Variants in MOB3B observed in about 807,000 individuals in gnomAD.
MOB3B encodes MOB kinase activator-like 2B.
A neutral mutation model predicts 18.7 loss-of-function variants in MOB3B; 7 were observed. The ratio of observed to expected loss-of-function variants is 0.37; its 90% confidence interval spans 0.21 to 0.70. The LOEUF is 0.70. Among genes scored for constraint, MOB3B ranks in the 30% least tolerant of loss-of-function variants. The pLI is 0.52. For missense variants in MOB3B, 253 were observed against 281.3 expected (o/e 0.90, Z 0.72); for synonymous variants, 111 against 99.9 (o/e 1.11, Z -0.66).
At chr9:27,488,768 G>A (rs766013515) in intron 1 of MOB3B, among the ~76,000 whole-genome samples, 1 of 152,180 alleles carries the variant, frequency 6.6e-6, no homozygotes, top group Non-Finnish European at 1.5e-5. Context: ...CAACCAAACA[G>A]GATGCCCCTT....
chr9:27,479,714 G>C (rs1268464529), intron 1 of MOB3B, among the ~76,000 whole-genome samples: 1 of 152,178 alleles, frequency 6.6e-6, no homozygotes, highest in Non-Finnish European at 1.5e-5. Flanking sequence ...TAATATGAAA[G>C]AGTGATTAAC....
intron 2 of MOB3B, among the ~76,000 whole-genome samples, chr9:27,408,187 G>C (rs949443190): frequency 6.6e-6 from 1 of 152,156 alleles, no homozygotes; most frequent in Non-Finnish European, 1.5e-5. Context: ...CCCCATGAAA[G>C]CTGCATGGTT....
chr9:27,359,384 G>GC (rs1449454027), intron 2 of MOB3B, 148 bp from the exon 3 acceptor site: 1 of 634,064 alleles, frequency 1.6e-6, no homozygotes, highest in Non-Finnish European at 2.7e-6. Flanking sequence ...TGTGTGGGGG[G>GC]GGGGGGTTGG....
intron 2 of MOB3B, among the ~76,000 whole-genome samples, chr9:27,450,909 C>T (rs1305559892): frequency 1.3e-5 from 2 of 152,156 alleles, no homozygotes; most frequent in Non-Finnish European, 2.9e-5. Flanking sequence ...ATTTAGCAGG[C>T]TCAATAGATG....
Position 27,326,704 on chromosome 9 carries a change from A to G in MOB3B, c.*3883T>C. On this transcript the variant is annotated 3_prime_UTR_variant, in exon 4 of 4. Coordinates refer to ENST00000262244, the MANE Select transcript of MOB3B (RefSeq NM_024761.5). ...AGACTCTGGGTCTTTGGAAATGAGA[A>G]AATACCCAGGGAAGAGAAAACGAAC... 2.5e-6 allele frequency: 1 copy of G among 397,532 alleles called. No individual in the cohort carries two copies. 24.6% of individuals were successfully genotyped at this position (397,532 alleles called of 1,614,324 possible). A position where few individuals can be genotyped will look rare whatever the true frequency, so the allele number is the denominator to read the frequency against.
At chr9:27,493,538 G>A (rs1300506486) in intron 1 of MOB3B, among the ~76,000 whole-genome samples, 1 of 152,148 alleles carries the variant, frequency 6.6e-6, no homozygotes, top group Non-Finnish European at 1.5e-5. Context: ...CTACTCGGGA[G>A]GCTGAGGCAG....
At chr9:27,455,857 T>G in intron 1 of MOB3B, 109 bp from the exon 2 acceptor site, 2 of 1,133,738 alleles carry the variant, frequency 1.8e-6, no homozygotes, top group Non-Finnish European at 2.3e-6. Flanking sequence ...CCACTCTCCA[T>G]CCAGGTATAT....
intron 1 of MOB3B, among the ~76,000 whole-genome samples, chr9:27,527,437 T>A (rs1448366776): frequency 6.6e-6 from 1 of 152,214 alleles, no homozygotes. Context: ...CTAGAGAAAG[T>A]GCTCTATGTG....
chr9:27,392,684 C>T (rs958140185), intron 2 of MOB3B, among the ~76,000 whole-genome samples: 61 of 152,160 alleles, frequency 4.0e-4, no homozygotes, highest in African/African-American at 1.4e-3. Context: ...AGCTCTGATA[C>T]TTGGGAAGCT....
chr9:27,350,831 C>T (rs78080814), intron 3 of MOB3B, among the ~76,000 whole-genome samples: 3,468 of 152,038 alleles, frequency 0.023, 143 homozygotes, highest in African/African-American at 0.079. Flanking sequence ...GGCAAAGCCC[C>T]ATGAATGCAC....
In MOB3B at chr9:27,369,875, G is replaced by A. The variant is rs566500281; in HGVS notation, c.419-10639C>T. ...GCCACCTCACCCTCAGTCTAGGTAG[G>A]CATATCATAACACCCGCTGCTTCTT... On this transcript the variant is annotated intron_variant, in intron 2 of 3. Transcript: ENST00000262244. Among the ~76,000 whole-genome samples, 7 of 151,200 alleles carry A rather than the reference G, an allele frequency of 4.6e-5. No individual in the cohort carries two copies. The South Asian group carries it at 1.1e-3, about 23-fold the overall frequency.
intron 1 of MOB3B, among the ~76,000 whole-genome samples, chr9:27,508,666 C>G (rs920251346): frequency 2.6e-5 from 4 of 152,064 alleles, no homozygotes; most frequent in African/African-American, 9.7e-5. Context: ...CTAATAAATG[C>G]AAGTGGGAAA....
intron 1 of MOB3B, among the ~76,000 whole-genome samples, chr9:27,527,335 A>T (rs1236045738): frequency 2.6e-5 from 4 of 152,034 alleles, no homozygotes; most frequent in Admixed American, 1.3e-4. Flanking sequence ...AAATGTTTGT[A>T]AAGTGCCTTG....
rs931185122 is a variant in MOB3B, at chr9:27,340,764, G to A, written c.622-10148C>T. On this transcript the variant is annotated intron_variant, in intron 3 of 3. Transcript: ENST00000262244. ...GGAGCCTGTGATTTCTGCTCAAAGCGACACTGAGATCTCTGACATTTGGCT... is the reference window on the plus strand; with the variant it reads ...GGAGCCTGTGATTTCTGCTCAAAGCAACACTGAGATCTCTGACATTTGGCT... Among the ~76,000 whole-genome samples, 4 of 152,152 alleles carry A rather than the reference G, an allele frequency of 2.6e-5. No individual in the cohort carries two copies. The East Asian group carries it at 5.8e-4, about 22-fold the overall frequency.
intron 1 of MOB3B, among the ~76,000 whole-genome samples, chr9:27,473,980 C>T (rs149803986): frequency 1.2e-3 from 183 of 152,278 alleles, no homozygotes; most frequent in African/African-American, 4.0e-3. Flanking sequence ...AAGCTTTCTA[C>T]CCTCAAGAGG....
At chr9:27,508,273 C>A (rs1169539545) in intron 1 of MOB3B, among the ~76,000 whole-genome samples, 1 of 152,110 alleles carries the variant, frequency 6.6e-6, no homozygotes, top group African/African-American at 2.4e-5. Context: ...TACTGATACT[C>A]CACAAATAAT....
chr9:27,336,745 GCTCT>G (rs1206181460), intron 3 of MOB3B, among the ~76,000 whole-genome samples: 1 of 151,996 alleles, frequency 6.6e-6, no homozygotes, highest in Non-Finnish European at 1.5e-5. Flanking sequence ...AGGAAATTGG[GCTCT>G]CTAATACAGC....
intron 2 of MOB3B, among the ~76,000 whole-genome samples, chr9:27,376,240 T>C (rs1046709462): frequency 2.0e-5 from 3 of 152,246 alleles, no homozygotes; most frequent in African/African-American, 7.2e-5. Context: ...TGCCTCTTCT[T>C]GTACATATCT....
chr9:27,416,535 T>G (rs10967930), intron 2 of MOB3B, among the ~76,000 whole-genome samples: 45,612 of 138,454 alleles, frequency 0.33, 7,863 homozygotes, highest in Non-Finnish European at 0.38. Context: ...CTGGAGTAAT[T>G]TCTTTTTAAT....
Sources: allele counts gnomAD v4.1 joint callset (sites outside exome capture counted in the v4.1 genomes callset), GRCh38; gene constraint gnomAD v4.1.1; transcripts MANE v1.5; gene names NCBI Gene and HGNC (gene_info 2026-07-23, HGNC 2026-07-21).